LHFPL3: variants seen among roughly 807,000 people sequenced by gnomAD.
LHFPL3 encodes LHFPL tetraspan subfamily member 3 protein.
In LHFPL3, 5 loss-of-function variants were observed where a neutral mutation model predicts 19.3. The ratio of observed to expected loss-of-function variants is 0.26; its 90% CI spans 0.14 to 0.54. The LOEUF is 0.54. Among genes scored for constraint, LHFPL3 ranks in the 20% least tolerant of loss-of-function variants. The probability of loss-of-function intolerance (pLI) is 0.94; values close to 1 mark genes in which losing one functional copy is unlikely to be tolerated. For synonymous variants in LHFPL3, 133 were observed against 126.2 expected (o/e 1.05, Z -0.36); for missense variants, 249 against 307.4 (o/e 0.81, Z 1.42).
intron 1 of LHFPL3, among the ~76,000 whole-genome samples, chr7:104,371,198 G>A (rs1288501388): frequency 6.6e-6 from 1 of 152,070 alleles, no homozygotes; most frequent in Non-Finnish European, 1.5e-5. Flanking sequence ...AGCCGTGGTT[G>A]CTCCAGTCTT....
intron 2 of LHFPL3, chr7:104,796,589 A>G (rs1790133406): frequency 6.6e-6 from 1 of 152,382 alleles, no homozygotes; most frequent in Non-Finnish European, 1.5e-5. Flanking sequence ...ATGAGGCCAA[A>G]TTGGAGTCAA....
intron 1 of LHFPL3, among the ~76,000 whole-genome samples, chr7:104,382,357 G>T (rs367871355): frequency 6.6e-6 from 1 of 152,172 alleles, no homozygotes; most frequent in Non-Finnish European, 1.5e-5. Flanking sequence ...GCGTGGTGGC[G>T]CATGCCTGTA....
intron 1 of LHFPL3, among the ~76,000 whole-genome samples, chr7:104,465,928 C>A (rs1302801057): frequency 6.6e-6 from 1 of 152,142 alleles, no homozygotes; most frequent in Non-Finnish European, 1.5e-5. Flanking sequence ...TCACTGTGAT[C>A]TGAGGGTATG....
At chr7:104,417,826 A>G (rs1201300288) in intron 1 of LHFPL3, among the ~76,000 whole-genome samples, 2 of 150,362 alleles carry the variant, frequency 1.3e-5, no homozygotes, top group Non-Finnish European at 3.0e-5. Context: ...GTAAAGGTTA[A>G]TTTTTACTGT....
chr7:104,600,348 C>A (rs1357029116), intron 1 of LHFPL3, among the ~76,000 whole-genome samples: 1 of 152,192 alleles, frequency 6.6e-6, no homozygotes, highest in East Asian at 1.9e-4. Context: ...ATCAAACCCT[C>A]AGGAGCAAAA....
At chr7:104,543,920 TA>T (rs1400632934) in intron 1 of LHFPL3, among the ~76,000 whole-genome samples, 2 of 148,954 alleles carry the variant, frequency 1.3e-5, no homozygotes, top group South Asian at 4.2e-4. Flanking sequence ...ATAATAATAA[TA>T]ATAATAATAA....
intron 1 of LHFPL3, among the ~76,000 whole-genome samples, chr7:104,728,092 C>CA (rs1793623770): frequency 6.6e-6 from 1 of 152,074 alleles, no homozygotes; most frequent in Non-Finnish European, 1.5e-5. Flanking sequence ...AGAGAAGAAT[C>CA]AAATATGACC....
intron 2 of LHFPL3, among the ~76,000 whole-genome samples, chr7:104,873,639 G>T (rs1203191634): frequency 6.7e-6 from 1 of 150,014 alleles, no homozygotes; most frequent in Non-Finnish European, 1.5e-5. Flanking sequence ...AAAAAGGAAA[G>T]AAAAAAAAAC....
chr7:104,580,787 T>C lies in LHFPL3; in HGVS notation c.446-155888T>C, dbSNP rs950984504. The stretch of plus-strand genomic sequence containing the variant: ...TGCTTGCTGTAAAACTCCATATACA[T>C]TGAATATTACTCTTTTATGTAATCC... On this transcript the variant is annotated intron_variant, in intron 1 of 2. Transcript: ENST00000424859. 2.4e-4 allele frequency among the ~76,000 whole-genome samples: 36 copies of C among 152,238 alleles called. 1 individual carries two copies. Among genetic ancestry groups the C allele is most frequent in the African/African-American group, 7.9e-4 (33 of 41,566 alleles).
intron 1 of LHFPL3, among the ~76,000 whole-genome samples, chr7:104,647,948 A>G (rs1187589882): frequency 6.6e-6 from 1 of 152,230 alleles, no homozygotes; most frequent in Non-Finnish European, 1.5e-5. Context: ...AGTGGATGGT[A>G]CTGAAATAAA....
rs541298982 is a variant in LHFPL3 at position 104,689,170 on chromosome 7, T to C, written c.446-47505T>C. Reference sequence around the variant, plus strand: ...TTGCTCTTCTCTGTATTCCAGAGTTTAGAGTGGGAACTGCACTCACTCAAT... The same window carrying C: ...TTGCTCTTCTCTGTATTCCAGAGTTCAGAGTGGGAACTGCACTCACTCAAT... On this transcript the variant is annotated intron_variant, in intron 1 of 2. Transcript: ENST00000424859. 6.1e-4 allele frequency among the ~76,000 whole-genome samples: 93 copies of C among 152,316 alleles called. 1 individual carries two copies. In the South Asian group the frequency reaches 0.018, roughly 30 times the overall value.
intron 1 of LHFPL3, among the ~76,000 whole-genome samples, chr7:104,671,200 C>T (rs927539282): frequency 4.0e-5 from 6 of 151,552 alleles, no homozygotes; most frequent in African/African-American, 1.5e-4. Flanking sequence ...TGGCCAGTAG[C>T]TAAGAAGTGG....
intron 1 of LHFPL3, among the ~76,000 whole-genome samples, chr7:104,530,637 G>C (rs1419995673): frequency 6.6e-6 from 1 of 152,186 alleles, no homozygotes; most frequent in African/African-American, 2.4e-5. Context: ...TTTAACAGTT[G>C]TGTGACTCGG....
At position 104,328,756 on chromosome 7, in the gene LHFPL3, AGGAGG is replaced by A. The variant is rs2116337058; in HGVS notation, c.-23_-19del. ...GGGGAGGCGGAGGACCAGGAGGAGG[AGGAGG>A]AGGAGGAGGAGGGGGAGAATGCCCG... is the stretch of plus-strand genomic sequence containing the variant. On this transcript the variant is annotated 5_prime_UTR_variant, in exon 1 of 3. Coordinates refer to ENST00000424859, the MANE Select transcript of LHFPL3 (RefSeq NM_199000.3). The surrounding 1 kb of genome is among the most constrained non-coding windows in gnomAD (Gnocchi z 4.6). The A allele has an allele frequency of 9.8e-6, 15 of 1,529,610 alleles. No individual in the cohort carries two copies. The South Asian group carries it at 1.7e-4, about 17-fold the overall frequency. 94.8% of individuals were successfully genotyped at this position (1,529,610 alleles called of 1,614,324 possible). A position where few individuals can be genotyped will look rare whatever the true frequency, so the allele number is the denominator to read the frequency against.
chr7:104,740,036 T>C (rs1214453637), intron 2 of LHFPL3, among the ~76,000 whole-genome samples: 16 of 152,178 alleles, frequency 1.1e-4, no homozygotes, highest in Admixed American at 1.0e-3. Context: ...CCCCATGCTG[T>C]TCTCATGATA....
chr7:104,906,446 C>A lies in LHFPL3; in HGVS notation c.*231C>A. ...GATGTGATCATGGATTAAACACCAG[C>A]TCATTGGAAACTCATTGGATGAGAT... On this transcript the variant is annotated 3_prime_UTR_variant, in exon 3 of 3. Coordinates refer to ENST00000424859, the MANE Select transcript of LHFPL3 (RefSeq NM_199000.3). The A allele has an allele frequency of 1.9e-6, 1 of 536,790 alleles. No individual in the cohort carries two copies. Among genetic ancestry groups the A allele is most frequent in the East Asian group, 3.0e-5 (1 of 33,688 alleles). 33.3% of individuals were successfully genotyped at this position (536,790 alleles called of 1,614,324 possible).
At chr7:104,454,154 T>C (rs1027660935) in intron 1 of LHFPL3, among the ~76,000 whole-genome samples, 10 of 152,038 alleles carry the variant, frequency 6.6e-5, no homozygotes, top group Non-Finnish European at 1.3e-4. Flanking sequence ...GAGATGGAGA[T>C]TGGGGAGAGA....
rs765656224 is a variant in LHFPL3, at chr7:104,329,167, T to C, written c.388T>C (p.Phe130Leu). The change falls in exon 1 of 3, where the codon TTC becomes CTC. Residue 130 changes from phenylalanine to leucine, a missense_variant. Physicochemically the swap from Phe to Leu is conservative, Grantham distance 22. Transcript: ENST00000424859. ...IACIICFTLFFFCNTATVYKI... is the reference protein window; with the variant it reads ...IACIICFTLFLFCNTATVYKI... ...CTGCATCATTTGCTTTACCCTCTTC[T>C]TCTTCTGCAACACGGCCACTGTGTA... The C allele has an allele frequency of 1.2e-6, 2 of 1,614,056 alleles. No homozygotes were observed. Among genetic ancestry groups the C allele is most frequent in the South Asian group, 2.2e-5 (2 of 91,090 alleles).
At chr7:104,457,245 A>G (rs1013994419) in intron 1 of LHFPL3, among the ~76,000 whole-genome samples, 8 of 151,774 alleles carry the variant, frequency 5.3e-5, no homozygotes, top group Admixed American at 4.6e-4. Context: ...CATTAGGTAT[A>G]TCTCCTCAAG....
Sources: allele counts gnomAD v4.1 joint callset (sites outside exome capture counted in the v4.1 genomes callset), GRCh38; gene constraint gnomAD v4.1.1; non-coding constraint Gnocchi (gnomAD v3.1); transcripts MANE v1.5; gene names NCBI Gene and HGNC (gene_info 2026-07-23, HGNC 2026-07-21).